Variants in MAPT observed in about 807,000 individuals in gnomAD.
MAPT encodes microtubule-associated protein tau.
In MAPT, 34 loss-of-function variants were observed where a neutral mutation model predicts 67.9. The observed-to-expected ratio is 0.50, with a 90% CI of 0.38 to 0.67. MAPT has a LOEUF of 0.67. Among genes scored for constraint, MAPT ranks in the 30% least tolerant of loss-of-function variants. The pLI is 0.00. For missense variants in MAPT, 881 were observed against 1,115.2 expected (o/e 0.79, Z 2.99); for synonymous variants, 456 against 464.5 (o/e 0.98, Z 0.23).
chr17:46,019,996 A>G (rs2076420958), intron 12 of MAPT, among the ~76,000 whole-genome samples: 1 of 124,854 alleles, frequency 8.0e-6, no homozygotes, highest in Non-Finnish European at 1.7e-5. Context: ...TGGGCAACAG[A>G]GTGAGATTCC....
chr17:45,934,830 AT>A (rs1397174070), intron 1 of MAPT, among the ~76,000 whole-genome samples: 1 of 152,158 alleles, frequency 6.6e-6, no homozygotes, highest in Non-Finnish European at 1.5e-5. Flanking sequence ...AAGTGGAATC[AT>A]CTTTTCCTTG....
chr17:46,005,020 G>A (rs1442101642), intron 9 of MAPT, among the ~76,000 whole-genome samples: 5 of 152,158 alleles, frequency 3.3e-5, no homozygotes, highest in South Asian at 2.1e-4. Flanking sequence ...TCCTGACCTC[G>A]TCATCTGCCT....
intron 9 of MAPT, among the ~76,000 whole-genome samples, chr17:46,009,265 G>A (rs2075660575): frequency 6.6e-6 from 1 of 152,186 alleles, no homozygotes; most frequent in East Asian, 1.9e-4. Context: ...GAGTTCCTGA[G>A]AGGAAAGGTC....
At chr17:46,012,732 C>T (rs1568330811) in intron 10 of MAPT, among the ~76,000 whole-genome samples, 1 of 152,142 alleles carries the variant, frequency 6.6e-6, no homozygotes, top group African/African-American at 2.4e-5. Flanking sequence ...CCTTTCTGGC[C>T]GTTCCCTGGT....
At chr17:46,007,595 G>GTCA (rs1450065475) in intron 9 of MAPT, among the ~76,000 whole-genome samples, 1 of 152,132 alleles carries the variant, frequency 6.6e-6, no homozygotes, top group Non-Finnish European at 1.5e-5. Flanking sequence ...AGCGATTTCA[G>GTCA]TCATAATTGG....
chr17:45,917,698 G>C (rs2065317632), intron 1 of MAPT, among the ~76,000 whole-genome samples: 1 of 152,110 alleles, frequency 6.6e-6, no homozygotes, highest in Non-Finnish European at 1.5e-5. Flanking sequence ...GTATGGGAAG[G>C]GGCTGTAGAA....
chr17:45,971,318 G>T lies in MAPT; in HGVS notation c.134-541G>T, dbSNP rs2071637200. On this transcript the variant is annotated intron_variant, in intron 2 of 12. Coordinates refer to ENST00000262410, the MANE Select transcript of MAPT (RefSeq NM_001377265.1). The surrounding 1 kb of genome is among the most constrained non-coding windows in gnomAD (Gnocchi z 4.3). ...CCATTTCAAATGTAACTCACAGCTTGTCCATCAGTCCTTGGAGGTCTTTCT... is the reference window on the plus strand; with the variant it reads ...CCATTTCAAATGTAACTCACAGCTTTTCCATCAGTCCTTGGAGGTCTTTCT... Among the ~76,000 whole-genome samples the T allele has an allele frequency of 6.6e-6, 1 of 152,262 alleles. No individual in the cohort carries two copies. The highest frequency in any genetic ancestry group is 6.5e-5 in the Admixed American group (1 of 15,288).
intron 1 of MAPT, among the ~76,000 whole-genome samples, chr17:45,903,852 A>G (rs1303359385): frequency 2.2e-5 from 1 of 46,490 alleles, no homozygotes; most frequent in East Asian, 4.5e-4. Flanking sequence ...TATATATTAT[A>G]TATTATATAT....
intron 1 of MAPT, among the ~76,000 whole-genome samples, chr17:45,930,193 A>G (rs2066715163): frequency 6.6e-6 from 1 of 152,192 alleles, no homozygotes; most frequent in South Asian, 2.1e-4. Flanking sequence ...CGATGCCAGG[A>G]GTTCAAGACC....
intron 1 of MAPT, among the ~76,000 whole-genome samples, chr17:45,949,711 C>A (rs1330426340): frequency 6.6e-6 from 1 of 152,110 alleles, no homozygotes. Context: ...CCAAAACTGG[C>A]AAGGGATGTT....
chr17:45,911,813 G>A (rs1228272434), intron 1 of MAPT, among the ~76,000 whole-genome samples: 2 of 152,110 alleles, frequency 1.3e-5, no homozygotes, highest in Non-Finnish European at 2.9e-5. Context: ...AGAGACTTGA[G>A]AACAGAAAGG....
chr17:45,914,600 A>T (rs935061772), intron 1 of MAPT, among the ~76,000 whole-genome samples: 8 of 152,244 alleles, frequency 5.3e-5, no homozygotes, highest in Non-Finnish European at 7.3e-5. Context: ...TAACTCTGGA[A>T]GGAAGAATGA....
At position 46,026,475 on chromosome 17, in the gene MAPT, G is replaced by A. The variant is rs1018453913; in HGVS notation, c.*2304G>A. On this transcript the variant is annotated 3_prime_UTR_variant, in exon 13 of 13. Transcript: ENST00000262410. The stretch of plus-strand genomic sequence containing the variant: ...GAAGTCTCATGGCAGTCCCAAAGGA[G>A]GCTTACAACTCCTGCATCACAAGAA... The A allele has an allele frequency of 2.6e-5, 4 of 152,224 alleles. No individual in the cohort carries two copies. Among genetic ancestry groups the A allele is most frequent in the African/African-American group, 9.7e-5 (4 of 41,434 alleles). The allele number at this position is 152,224 out of a possible 1,614,324, so 9.4% of individuals were successfully genotyped here. A position where few individuals can be genotyped will look rare whatever the true frequency, so the allele number is the denominator to read the frequency against.
At chr17:45,903,848 T>TTATATATTA (rs1568132198) in intron 1 of MAPT, among the ~76,000 whole-genome samples, 2 of 48,604 alleles carry the variant, frequency 4.1e-5, no homozygotes, top group Non-Finnish European at 8.2e-5. Flanking sequence ...ATTTTATATA[T>TTATATATTA]TATATATTAT....
At chr17:45,930,419 A>G (rs113912415) in intron 1 of MAPT, among the ~76,000 whole-genome samples, 21,745 of 151,888 alleles carry the variant, frequency 0.14, 2,150 homozygotes, top group Middle Eastern at 0.22. Context: ...AAAAAAAAAA[A>G]AAAAAGAAAA....
At chr17:46,022,090 C>T (rs1485735499) in intron 12 of MAPT, among the ~76,000 whole-genome samples, 1 of 152,182 alleles carries the variant, frequency 6.6e-6, no homozygotes, top group African/African-American at 2.4e-5. Context: ...CATGGTGGCT[C>T]ATGCCTGTAA....
At chr17:45,917,920 G>C (rs372327565) in intron 1 of MAPT, among the ~76,000 whole-genome samples, 1 of 152,048 alleles carries the variant, frequency 6.6e-6, no homozygotes, top group African/African-American at 2.4e-5. Context: ...CTACAGGTGC[G>C]CACCACCATG....
rs80189278 is a variant in MAPT, at chr17:45,983,126, G to A, written c.547G>A (p.Glu183Lys). ...EWGQKGGDWA[E>K]KGPAFPKPAT... The stretch of plus-strand genomic sequence containing the variant: ...GGGACAAAAAGGCGGGGACTGGGCC[G>A]AGAAGGGTCCGGCCTTTCCGAAGCC... The change falls in exon 5 of 13, where the codon GAG becomes AAG. Residue 183 changes from glutamate to lysine, a missense_variant. Around this residue, in one of 6 missense-constraint regions of MAPT, gnomAD observed 687 missense variants for 766.1 expected, o/e 0.90. Coordinates refer to ENST00000262410, the MANE Select transcript of MAPT (RefSeq NM_001377265.1). 84,115 of 1,576,380 alleles carry A rather than the reference G, an allele frequency of 0.053. 2,607 individuals carry two copies. The highest frequency in any genetic ancestry group is 0.058 in the Non-Finnish European group (67,229 of 1,159,900).
In MAPT at chr17:45,927,265, G is replaced by A. The variant is rs137935224; in HGVS notation, c.-18+32579G>A. Among the ~76,000 whole-genome samples the A allele has an allele frequency of 2.3e-3, 356 of 152,172 alleles. 1 individual carries two copies. Among genetic ancestry groups the A allele is most frequent in the African/African-American group, 8.2e-3 (339 of 41,510 alleles). ...GGCAATTTCATTTCTTTTCTGTTGT[G>A]GGCCAGTAGTCCTTAGATGTTGGGG... On this transcript the variant is annotated intron_variant, in intron 1 of 12. Coordinates refer to ENST00000262410, the MANE Select transcript of MAPT (RefSeq NM_001377265.1).
Sources: allele counts gnomAD v4.1 joint callset (sites outside exome capture counted in the v4.1 genomes callset), GRCh38; gene constraint gnomAD v4.1.1; regional missense constraint gnomAD v4.1.1; non-coding constraint Gnocchi (gnomAD v3.1); transcripts MANE v1.5; gene names NCBI Gene and HGNC (gene_info 2026-07-23, HGNC 2026-07-21).